VTI1A: variants seen among roughly 807,000 people sequenced by gnomAD.
VTI1A encodes the protein vesicle transport through interaction with t-SNAREs homolog 1A.
In VTI1A, 22 loss-of-function variants were observed where a neutral mutation model predicts 34.9. That is an observed-to-expected ratio of 0.63 (90% CI 0.45 to 0.90). The LOEUF (loss-of-function observed/expected upper bound fraction) is 0.90, where lower values mean the gene tolerates loss of function less well. Ranked by LOEUF, VTI1A falls within the 40% of genes least tolerant of loss-of-function variation. The pLI, the probability that VTI1A is intolerant of heterozygous loss-of-function variation, is 0.00. For missense variants in VTI1A, 268 were observed against 275.6 expected (o/e 0.97, Z 0.20); for synonymous variants, 87 against 97.3 (o/e 0.89, Z 0.62).
chr10:112,491,363 A>C (rs189231662), intron 3 of VTI1A, among the ~76,000 whole-genome samples: 4 of 152,310 alleles, frequency 2.6e-5, no homozygotes, highest in Non-Finnish European at 5.9e-5. Context: ...GAGTCATGTA[A>C]GGCCAGTTAC....
rs183249271 is a variant in VTI1A at position 112,463,005 on chromosome 10, A to G, written c.154-1542A>G. 6.0e-4 allele frequency among the ~76,000 whole-genome samples: 91 copies of G among 151,978 alleles called. 1 individual carries two copies. In the East Asian group the frequency reaches 0.017, roughly 28 times the overall value. ...AGTGGCACGATCTCGGCTCACTGCA[A>G]CCTCTACCTCCCCAGTTCAAGCAAT... On this transcript the variant is annotated intron_variant, in intron 2 of 7. Coordinates refer to ENST00000393077, the MANE Select transcript of VTI1A (RefSeq NM_145206.4).
intron 7 of VTI1A, among the ~76,000 whole-genome samples, chr10:112,772,714 A>G (rs1851848028): frequency 6.6e-6 from 1 of 152,212 alleles, no homozygotes; most frequent in Non-Finnish European, 1.5e-5. Context: ...TAATGTTTAT[A>G]TATGCTGTGA....
chr10:112,730,201 G>T (rs942081953), intron 7 of VTI1A, among the ~76,000 whole-genome samples: 1 of 152,222 alleles, frequency 6.6e-6, no homozygotes, highest in South Asian at 2.1e-4. Flanking sequence ...TTAAGGGGGA[G>T]AGGTTACAGC....
chr10:112,498,596 G>T (rs1342034744), intron 3 of VTI1A, among the ~76,000 whole-genome samples: 2 of 152,044 alleles, frequency 1.3e-5, no homozygotes, highest in African/African-American at 2.4e-5. Flanking sequence ...ACCATAATTT[G>T]CAAATATATT....
chr10:112,768,231 G>A (rs1304046520), intron 7 of VTI1A, among the ~76,000 whole-genome samples: 3 of 152,212 alleles, frequency 2.0e-5, no homozygotes, highest in Non-Finnish European at 4.4e-5. Flanking sequence ...ATGATTTAGA[G>A]GCTTTGAGAG....
chr10:112,485,380 C>T (rs1848588717), intron 3 of VTI1A: 1 of 152,096 alleles, frequency 6.6e-6, no homozygotes, highest in Non-Finnish European at 1.5e-5. Flanking sequence ...GAAAATATGA[C>T]ATGTTCATTG....
intron 7 of VTI1A, among the ~76,000 whole-genome samples, chr10:112,772,467 C>T (rs1214251674): frequency 6.6e-6 from 1 of 152,176 alleles, no homozygotes; most frequent in Non-Finnish European, 1.5e-5. Flanking sequence ...ATACGATCTG[C>T]AAACATGTTC....
At chr10:112,749,920 C>A (rs542406905) in intron 7 of VTI1A, among the ~76,000 whole-genome samples, 1 of 152,270 alleles carries the variant, frequency 6.6e-6, no homozygotes, top group African/African-American at 2.4e-5. Context: ...GAACCATGCA[C>A]ACATATATGC....
chr10:112,853,042 C>T, the VTI1A span, among the ~76,000 whole-genome samples: 9 of 152,150 alleles, frequency 5.9e-5, no homozygotes, highest in African/African-American at 2.2e-4. Context: ...CCTTGGCTTC[C>T]CAAAGTGCTG....
At chr10:112,653,708 T>A (rs1417119762) in intron 5 of VTI1A, among the ~76,000 whole-genome samples, 1 of 152,192 alleles carries the variant, frequency 6.6e-6, no homozygotes, top group African/African-American at 2.4e-5. Flanking sequence ...ATAAAAACCT[T>A]TCCCTGGAGG....
At chr10:112,456,314 C>T (rs187556207) in intron 1 of VTI1A, among the ~76,000 whole-genome samples, 102 of 150,108 alleles carry the variant, frequency 6.8e-4, no homozygotes, top group Admixed American at 1.1e-3. Context: ...CCTAGCTACT[C>T]GGGAGGCTGC....
At chr10:112,486,970 A>C (rs1444196359) in intron 3 of VTI1A, among the ~76,000 whole-genome samples, 1 of 152,116 alleles carries the variant, frequency 6.6e-6, no homozygotes, top group African/African-American at 2.4e-5. Context: ...TAAAACAGTA[A>C]TATTTCAGAT....
intron 3 of VTI1A, among the ~76,000 whole-genome samples, chr10:112,486,343 G>A (rs1489924423): frequency 6.6e-6 from 1 of 152,100 alleles, no homozygotes; most frequent in Non-Finnish European, 1.5e-5. Context: ...TTGTAAAATG[G>A]AAATAATGAT....
At chr10:112,828,983 C>T in the VTI1A span, among the ~76,000 whole-genome samples, 1 of 152,086 alleles carries the variant, frequency 6.6e-6, no homozygotes, top group Admixed American at 6.5e-5. Context: ...TAAGGGACAC[C>T]CAGCAGTTCT....
At chr10:112,484,841 G>GTT (rs1382434411) in intron 3 of VTI1A, 1 of 150,638 alleles carries the variant, frequency 6.6e-6, no homozygotes, top group Non-Finnish European at 1.5e-5. Context: ...CAATGAAAAA[G>GTT]TTGCATCTAG....
At chr10:112,475,971 A>G (rs1320262499) in intron 3 of VTI1A, among the ~76,000 whole-genome samples, 1 of 152,240 alleles carries the variant, frequency 6.6e-6, no homozygotes, top group Non-Finnish European at 1.5e-5. Context: ...CTGTCAGCCT[A>G]TTAAAGAGAT....
At chr10:112,748,108 G>C (rs887320606) in intron 7 of VTI1A, among the ~76,000 whole-genome samples, 15 of 152,106 alleles carry the variant, frequency 9.9e-5, no homozygotes, top group African/African-American at 2.9e-4. Context: ...AGCTAATCTT[G>C]GTGGAGCCAG....
At chr10:112,852,018 G>A in the VTI1A span, among the ~76,000 whole-genome samples, 1 of 152,100 alleles carries the variant, frequency 6.6e-6, no homozygotes, top group African/African-American at 2.4e-5. Flanking sequence ...ATGAAAATGA[G>A]AATTATATAA....
At chr10:112,619,038 C>T (rs573008046) in intron 5 of VTI1A, among the ~76,000 whole-genome samples, 3 of 149,078 alleles carry the variant, frequency 2.0e-5, no homozygotes, top group South Asian at 2.1e-4. Flanking sequence ...CTTCTGGAAT[C>T]GTGCCTGGCA....
Sources: gnomAD v4.1 joint callset for allele counts (sites outside exome capture counted in the v4.1 genomes callset) on GRCh38, gnomAD v4.1.1 for gene constraint, MANE v1.5 for transcripts, NCBI Gene and HGNC (gene_info 2026-07-23, HGNC 2026-07-21) for gene names.